Variants in GRIP1 observed in about 807,000 individuals in gnomAD.
The protein encoded by GRIP1 is glutamate receptor-interacting protein 1.
In GRIP1, 45 loss-of-function variants were observed where a neutral mutation model predicts 129.9. The observed-to-expected ratio is 0.35, with a 90% CI of 0.27 to 0.44. The LOEUF (loss-of-function observed/expected upper bound fraction) is 0.44, where lower values mean the gene tolerates loss of function less well. GRIP1 is among the 20% of genes least tolerant of loss of function. The probability of loss-of-function intolerance (pLI) is 1.00; values close to 1 mark genes in which losing one functional copy is unlikely to be tolerated. For missense variants in GRIP1, 1,196 were observed against 1,396.8 expected, an observed-to-expected ratio of 0.86 and a Z score of 2.29; for synonymous variants, 530 against 520.8, an observed-to-expected ratio of 1.02 and a Z score of -0.24.
At position 66,678,859 on chromosome 12, in the gene GRIP1, G is replaced by C; in HGVS notation, c.46C>G (p.Leu16Val). ...AAGGAAAGCACGATACCTTTAGTAA[G>C]TCGCCTCAGAATTTGACAACGGCAT... ...FKCRCQILRR[L>V]TKDESPYTKS... The change falls in exon 1 of 25, where the codon CTT (leucine) becomes GTT (valine). Residue 16 changes from leucine (L) to valine (V), a missense_variant. Around this residue, in one of 5 missense-constraint regions of GRIP1, gnomAD observed 217 missense variants for 224.8 expected, o/e 0.97. Coordinates refer to ENST00000359742, the MANE Select transcript of GRIP1 (RefSeq NM_001366722.1). 6.2e-7 allele frequency: 1 copy of C among 1,613,364 alleles called. No individual in the cohort carries two copies. The highest frequency in any genetic ancestry group is 8.5e-7 in the Non-Finnish European group (1 of 1,179,494).
intron 16 of GRIP1, among the ~76,000 whole-genome samples, chr12:66,396,965 G>C (rs2056813043): frequency 6.6e-6 from 1 of 151,802 alleles, no homozygotes; most frequent in Non-Finnish European, 1.5e-5. Flanking sequence ...ACAAAAATTA[G>C]CCAGGCATGG....
At chr12:66,350,413 T>C (rs1234806769) in intron 24 of GRIP1, among the ~76,000 whole-genome samples, 1 of 152,080 alleles carries the variant, frequency 6.6e-6, no homozygotes, top group Admixed American at 6.6e-5. Flanking sequence ...GGCAGGAGAA[T>C]CGCTTGAACC....
chr12:66,668,968 A>C (rs2033936629), intron 1 of GRIP1, among the ~76,000 whole-genome samples: 1 of 152,092 alleles, frequency 6.6e-6, no homozygotes, highest in Non-Finnish European at 1.5e-5. Context: ...ATAAGCAAAA[A>C]ATAAAAAGAT....
chr12:66,678,743 G>T, intron 1 of GRIP1, 107 bp downstream of exon 1: 1 of 1,007,138 alleles, frequency 9.9e-7, no homozygotes, highest in South Asian at 1.3e-5. Flanking sequence ...TTTGTTGCCT[G>T]ACAATAAATT....
intron 1 of GRIP1, among the ~76,000 whole-genome samples, chr12:66,990,734 C>G (rs984227944): frequency 2.6e-5 from 4 of 152,200 alleles, no homozygotes; most frequent in African/African-American, 9.6e-5. Context: ...GTGGCTCAGG[C>G]CTGTAATCCC....
chr12:66,655,455 C>T (rs1360697579), intron 1 of GRIP1, among the ~76,000 whole-genome samples: 2 of 152,138 alleles, frequency 1.3e-5, no homozygotes, highest in Non-Finnish European at 2.9e-5. Flanking sequence ...ACATTTGTTA[C>T]AGCTGTATCT....
intron 22 of GRIP1, among the ~76,000 whole-genome samples, chr12:66,373,219 A>T (rs1160184822): frequency 6.6e-6 from 1 of 152,120 alleles, no homozygotes; most frequent in African/African-American, 2.4e-5. Flanking sequence ...CCTCCCAAGT[A>T]GCTGGGACTA....
intron 7 of GRIP1, among the ~76,000 whole-genome samples, chr12:66,506,220 C>T (rs1324689222): frequency 6.6e-6 from 1 of 151,954 alleles, no homozygotes; most frequent in African/African-American, 2.4e-5. Flanking sequence ...ACATATGTTC[C>T]CCAAAAGACA....
At chr12:66,762,569 T>C (rs148141788) in intron 1 of GRIP1, among the ~76,000 whole-genome samples, 445 of 152,338 alleles carry the variant, frequency 2.9e-3, no homozygotes, top group African/African-American at 9.9e-3. Flanking sequence ...AACTTAAAAT[T>C]TGTGGCTAAA....
intron 1 of GRIP1, among the ~76,000 whole-genome samples, chr12:67,022,377 C>G (rs61918830): frequency 0.31 from 47,520 of 152,102 alleles, 8,099 homozygotes; most frequent in Admixed American, 0.38. Flanking sequence ...TCAACTCTTA[C>G]AAATAAGGTT....
intron 15 of GRIP1, among the ~76,000 whole-genome samples, chr12:66,418,995 A>T (rs76239456): frequency 1.5e-4 from 23 of 152,208 alleles, no homozygotes; most frequent in Non-Finnish European, 2.6e-4. Flanking sequence ...CTGCACTCCT[A>T]TGTTTGCTGC....
intron 1 of GRIP1, among the ~76,000 whole-genome samples, chr12:66,973,923 T>TC (rs1215331751): frequency 1.3e-4 from 19 of 146,756 alleles, no homozygotes; most frequent in African/African-American, 4.2e-4. Flanking sequence ...TCTTTTCTTT[T>TC]TTTTTTTTTT....
chr12:67,002,867 G>A (rs754365091), intron 1 of GRIP1, among the ~76,000 whole-genome samples: 10 of 152,124 alleles, frequency 6.6e-5, no homozygotes, highest in Non-Finnish European at 1.2e-4. Flanking sequence ...CAGAATCACA[G>A]TTGGCTTTTT....
intron 1 of GRIP1, among the ~76,000 whole-genome samples, chr12:66,669,756 C>T (rs1458318710): frequency 2.6e-5 from 4 of 152,158 alleles, no homozygotes; most frequent in Admixed American, 6.5e-5. Flanking sequence ...AGTCTACCAA[C>T]TTGATGTCAT....
intron 1 of GRIP1, among the ~76,000 whole-genome samples, chr12:66,968,445 C>G (rs558575880): frequency 6.6e-6 from 1 of 152,160 alleles, no homozygotes; most frequent in East Asian, 1.9e-4. Context: ...ATTCTCCCCT[C>G]TTGTTCTTCT....
At chr12:66,370,677 T>C (rs768814541) in intron 23 of GRIP1, among the ~76,000 whole-genome samples, 3 of 152,196 alleles carry the variant, frequency 2.0e-5, no homozygotes, top group Non-Finnish European at 4.4e-5. Context: ...TATACATCCT[T>C]TTATATTAAC....
intron 1 of GRIP1, among the ~76,000 whole-genome samples, chr12:66,746,894 C>T (rs1233326848): frequency 6.6e-6 from 1 of 152,072 alleles, no homozygotes; most frequent in African/African-American, 2.4e-5. Flanking sequence ...ATCTATTGTC[C>T]CTGCCCACTG....
chr12:66,631,619 CTCTCTTTT>C (rs1159015388), intron 1 of GRIP1, among the ~76,000 whole-genome samples: 2 of 143,542 alleles, frequency 1.4e-5, no homozygotes, highest in Admixed American at 1.4e-4. Context: ...CTTTCTCTCT[CTCTCTTTT>C]TAATACGATG....
chr12:66,798,218 T>C (rs1313586834), intron 1 of GRIP1, among the ~76,000 whole-genome samples: 2 of 152,078 alleles, frequency 1.3e-5, no homozygotes, highest in Non-Finnish European at 2.9e-5. Flanking sequence ...ACCACATGGA[T>C]GTGGGCCCAA....
Sources: allele counts gnomAD v4.1 joint callset (sites outside exome capture counted in the v4.1 genomes callset), GRCh38; gene constraint gnomAD v4.1.1; regional missense constraint gnomAD v4.1.1; transcripts MANE v1.5; gene names NCBI Gene and HGNC (gene_info 2026-07-23, HGNC 2026-07-21).